The following PDLIM5 variants were observed in gnomAD, a reference collection of about 807,000 sequenced individuals.
The protein encoded by PDLIM5 is PDZ and LIM domain protein 5.
Under a neutral mutation model 64.2 loss-of-function variants are expected in PDLIM5, and 34 were observed. The ratio of observed to expected loss-of-function variants is 0.53; its 90% confidence interval spans 0.40 to 0.71. The LOEUF is 0.71. PDLIM5 is among the 30% of genes least tolerant of loss of function. The pLI, the probability that PDLIM5 is intolerant of heterozygous loss-of-function variation, is 0.00. For synonymous variants in PDLIM5, 253 were observed against 269.1 expected (o/e 0.94, Z 0.59); for missense variants, 683 against 733.6 (o/e 0.93, Z 0.80).
chr4:94,565,507 C>T (rs1734241930), intron 3 of PDLIM5, among the ~76,000 whole-genome samples: 1 of 152,050 alleles, frequency 6.6e-6, no homozygotes, highest in African/African-American at 2.4e-5. Context: ...GTAATGGGGA[C>T]CATGATGCCA....
chr4:94,480,876 G>C (rs775672990), intron 2 of PDLIM5, among the ~76,000 whole-genome samples: 1 of 152,138 alleles, frequency 6.6e-6, no homozygotes, highest in Non-Finnish European at 1.5e-5. Flanking sequence ...AAAACTGATC[G>C]TATTAGTCCT....
At chr4:94,487,558 A>C (rs148997886) in intron 2 of PDLIM5, among the ~76,000 whole-genome samples, 102 of 152,320 alleles carry the variant, frequency 6.7e-4, no homozygotes, top group Middle Eastern at 6.8e-3. Flanking sequence ...AAAGGCATTG[A>C]GAAAAATGGC....
intron 2 of PDLIM5, among the ~76,000 whole-genome samples, chr4:94,483,721 G>C (rs1726072748): frequency 6.6e-6 from 1 of 152,058 alleles, no homozygotes. Flanking sequence ...TTCCGTTCGT[G>C]ATTATTTCCA....
intron 3 of PDLIM5, among the ~76,000 whole-genome samples, chr4:94,524,229 C>T (rs1472599233): frequency 1.3e-5 from 2 of 151,754 alleles, no homozygotes; most frequent in African/African-American, 4.8e-5. Flanking sequence ...ATTAGCCAGG[C>T]GTGGTGGCGT....
At chr4:94,646,868 A>C (rs771835890) in intron 9 of PDLIM5, among the ~76,000 whole-genome samples, 10 of 152,152 alleles carry the variant, frequency 6.6e-5, no homozygotes, top group Non-Finnish European at 1.2e-4. Context: ...GTCTCCTTTT[A>C]AATTCATCAC....
At chr4:94,563,669 C>T (rs1400282779) in intron 3 of PDLIM5, among the ~76,000 whole-genome samples, 1 of 152,134 alleles carries the variant, frequency 6.6e-6, no homozygotes, top group African/African-American at 2.4e-5. Flanking sequence ...AGAGATGTGC[C>T]TCTGGTATTA....
In PDLIM5 at chr4:94,664,325, G is replaced by A. The variant is rs967193875; in HGVS notation, c.*258G>A. 9.4e-6 allele frequency: 7 copies of A among 741,092 alleles called. No homozygotes were observed. The highest frequency in any genetic ancestry group is 6.1e-5 in the South Asian group (1 of 16,286). The allele number at this position is 741,092 out of a possible 1,614,324, so 45.9% of individuals were successfully genotyped here. ...GCTTTATAAAAACCAATTTCCTGATGGACTATTAAATTCATCTTAGAATAA... is the reference window on the plus strand; with the variant it reads ...GCTTTATAAAAACCAATTTCCTGATAGACTATTAAATTCATCTTAGAATAA... On this transcript the variant is annotated 3_prime_UTR_variant, in exon 13 of 13. Coordinates refer to ENST00000317968, the MANE Select transcript of PDLIM5 (RefSeq NM_006457.5).
chr4:94,553,219 C>T (rs1422530857), intron 3 of PDLIM5, among the ~76,000 whole-genome samples: 2 of 152,224 alleles, frequency 1.3e-5, no homozygotes, highest in East Asian at 3.9e-4. Flanking sequence ...AGCAATTCTC[C>T]AGCCACAGCC....
At chr4:94,636,860 A>G (rs1740616130) in intron 8 of PDLIM5, among the ~76,000 whole-genome samples, 1 of 152,134 alleles carries the variant, frequency 6.6e-6, no homozygotes. Flanking sequence ...ATTAATAATT[A>G]ACTTAGGGAG....
chr4:94,594,799 A>G (rs1460140984), intron 7 of PDLIM5, among the ~76,000 whole-genome samples: 1 of 152,210 alleles, frequency 6.6e-6, no homozygotes. Context: ...TAAAATAATG[A>G]TCAAAACATT....
chr4:94,658,944 G>A (rs7694162), intron 11 of PDLIM5, among the ~76,000 whole-genome samples: 45,526 of 152,094 alleles, frequency 0.3, 7,130 homozygotes, highest in Non-Finnish European at 0.35. Flanking sequence ...TGTTTTAGCA[G>A]CTTTGGAAGA....
chr4:94,630,086 A>G (rs979146591), intron 8 of PDLIM5, among the ~76,000 whole-genome samples: 4 of 152,220 alleles, frequency 2.6e-5, no homozygotes, highest in African/African-American at 9.6e-5. Context: ...GCATGTTGCC[A>G]TGACTGCTAC....
intron 3 of PDLIM5, among the ~76,000 whole-genome samples, chr4:94,551,091 A>G (rs368772551): frequency 6.6e-6 from 1 of 152,162 alleles, no homozygotes; most frequent in African/African-American, 2.4e-5. Context: ...GTATCACAGT[A>G]TAAAGCTAAT....
At chr4:94,511,087 C>T (rs578198592) in intron 2 of PDLIM5, among the ~76,000 whole-genome samples, 10 of 152,240 alleles carry the variant, frequency 6.6e-5, no homozygotes, top group Non-Finnish European at 1.3e-4. Context: ...TACAGCTAAG[C>T]GGAATGAGGC....
chr4:94,494,497 T>C (rs1727195431), intron 2 of PDLIM5, among the ~76,000 whole-genome samples: 1 of 143,262 alleles, frequency 7.0e-6, no homozygotes, highest in Non-Finnish European at 1.5e-5. Flanking sequence ...TGGAGTGCAA[T>C]GGTGTGATCT....
At chr4:94,482,275 A>G (rs1371592431) in intron 2 of PDLIM5, among the ~76,000 whole-genome samples, 1 of 151,712 alleles carries the variant, frequency 6.6e-6, no homozygotes, top group Non-Finnish European at 1.5e-5. Flanking sequence ...GGCTCAAGTG[A>G]TCCTTCTGCC....
chr4:94,467,314 G>GT (rs1173951811), intron 2 of PDLIM5, among the ~76,000 whole-genome samples: 5,181 of 137,996 alleles, frequency 0.038, 152 homozygotes, highest in African/African-American at 0.087. Flanking sequence ...ACTGAGGAAA[G>GT]TTTTTTTTTT....
At chr4:94,617,165 C>T (rs1738846971) in intron 7 of PDLIM5, among the ~76,000 whole-genome samples, 1 of 152,088 alleles carries the variant, frequency 6.6e-6, no homozygotes, top group South Asian at 2.1e-4. Context: ...CATACCAAAG[C>T]ATATATTTTA....
intron 2 of PDLIM5, among the ~76,000 whole-genome samples, chr4:94,460,450 G>A (rs1223076762): frequency 6.6e-6 from 1 of 151,978 alleles, no homozygotes; most frequent in Non-Finnish European, 1.5e-5. Context: ...ACCGATGTAG[G>A]GTTTGGATAA....
Sources: gnomAD v4.1 joint callset for allele counts (sites outside exome capture counted in the v4.1 genomes callset) on GRCh38, gnomAD v4.1.1 for gene constraint, MANE v1.5 for transcripts, NCBI Gene and HGNC (gene_info 2026-07-23, HGNC 2026-07-21) for gene names.